COL5A2: variants seen among roughly 807,000 people sequenced by gnomAD.
COL5A2 encodes the protein collagen type V alpha 2 chain, also known as collagen alpha-2(V) chain.
A neutral mutation model predicts 208.2 loss-of-function variants in COL5A2; 23 were observed. The ratio of observed to expected loss-of-function variants is 0.11; its 90% CI spans 0.08 to 0.16. The LOEUF is 0.16. COL5A2 is among the 10% of genes least tolerant of loss of function. The probability of loss-of-function intolerance (pLI) is 1.00; values close to 1 mark genes in which losing one functional copy is unlikely to be tolerated. For missense variants in COL5A2, 1,590 were observed against 1,956.4 expected (o/e 0.81, Z 3.53); for synonymous variants, 625 against 628.5 (o/e 0.99, Z 0.08).
chr2:189,132,568 A>G (rs1396941434), intron 1 of COL5A2, among the ~76,000 whole-genome samples: 1 of 152,250 alleles, frequency 6.6e-6, no homozygotes, highest in Non-Finnish European at 1.5e-5. Context: ...ATCACAATGT[A>G]TAAGAAAAAA....
In COL5A2 at chr2:189,064,551, TC is replaced by T. The variant is rs1238933983; in HGVS notation, c.1716+5del. On this transcript the variant is annotated splice_donor_5th_base_variant and intron_variant, in intron 25 of 53. Transcript: ENST00000374866. ...TTGATGTAGCAAACACTTGCTATATTCTTACCCGAGCACCTGGAAGCCCAGG... is the reference window on the plus strand; with the variant it reads ...TTGATGTAGCAAACACTTGCTATATTTTACCCGAGCACCTGGAAGCCCAGG... The T allele has an allele frequency of 3.7e-6, 6 of 1,609,470 alleles. No individual in the cohort carries two copies. Among genetic ancestry groups the T allele is most frequent in the African/African-American group, 2.7e-5 (2 of 74,784 alleles).
intron 7 of COL5A2, among the ~76,000 whole-genome samples, chr2:189,090,687 C>T (rs143635940): frequency 2.0e-5 from 3 of 152,280 alleles, no homozygotes; most frequent in Non-Finnish European, 4.4e-5. Context: ...GAAATCCTAG[C>T]ATCCTTAGGA....
chr2:189,058,603 TTC>T lies in COL5A2; in HGVS notation c.2131-78_2131-77del, dbSNP rs1685952528. On this transcript the variant is annotated intron_variant, in intron 32 of 53. Transcript: ENST00000374866. ...GGTCAAAATGTTTCTGAGAAATGGC[TTC>T]TACTGCGGAAAAATTCAGAAATGAG... The T allele has an allele frequency of 2.3e-6, 3 of 1,319,496 alleles. No individual in the cohort carries two copies. The East Asian group carries it at 6.9e-5, about 30-fold the overall frequency. The allele number at this position is 1,319,496 out of a possible 1,614,324, so 81.7% of individuals were successfully genotyped here.
intron 1 of COL5A2, among the ~76,000 whole-genome samples, chr2:189,169,800 TC>T (rs1347058114): frequency 6.6e-6 from 1 of 152,212 alleles, no homozygotes; most frequent in Non-Finnish European, 1.5e-5. Context: ...CAACCTCGCC[TC>T]CCGGGTTCAA....
At chr2:189,288,756 A>G in the COL5A2 span, among the ~76,000 whole-genome samples, 6 of 152,190 alleles carry the variant, frequency 3.9e-5, no homozygotes, top group African/African-American at 1.2e-4. Flanking sequence ...CAAAGACACT[A>G]AAAGAAAAGA....
chr2:189,062,435 T>G (rs898238391), intron 29 of COL5A2, among the ~76,000 whole-genome samples: 1 of 152,056 alleles, frequency 6.6e-6, no homozygotes, highest in African/African-American at 2.4e-5. Flanking sequence ...CCACCTACCC[T>G]GGCCTCCCTA....
intron 14 of COL5A2, among the ~76,000 whole-genome samples, 177 bp from the exon 15 acceptor site, chr2:189,079,284 A>C (rs554441861): frequency 6.6e-6 from 1 of 152,318 alleles, no homozygotes; most frequent in African/African-American, 2.4e-5. Flanking sequence ...ATAGTAGTGT[A>C]GTTTTAAAGA....
At chr2:189,162,951 T>C (rs936091537) in intron 1 of COL5A2, among the ~76,000 whole-genome samples, 2 of 152,112 alleles carry the variant, frequency 1.3e-5, no homozygotes, top group Non-Finnish European at 2.9e-5. Flanking sequence ...GGAATATCAA[T>C]GGAATAAATC....
chr2:189,114,920 C>T (rs919995386), intron 1 of COL5A2, among the ~76,000 whole-genome samples: 42 of 151,764 alleles, frequency 2.8e-4, no homozygotes, highest in African/African-American at 9.9e-4. Context: ...TAAAAAAGAA[C>T]GCCAAAACTA....
chr2:189,098,307 G>A (rs1686963855), intron 5 of COL5A2, among the ~76,000 whole-genome samples: 1 of 152,114 alleles, frequency 6.6e-6, no homozygotes, highest in East Asian at 1.9e-4. Context: ...TTTATACTAA[G>A]CCATAAATAT....
At chr2:189,268,482 C>G in the COL5A2 span, among the ~76,000 whole-genome samples, 2 of 152,016 alleles carry the variant, frequency 1.3e-5, no homozygotes, top group African/African-American at 4.8e-5. Context: ...AGACAAACAC[C>G]CTACATCTGA....
At chr2:189,297,429 C>T in the COL5A2 span, among the ~76,000 whole-genome samples, 1 of 152,096 alleles carries the variant, frequency 6.6e-6, no homozygotes, top group Non-Finnish European at 1.5e-5. Context: ...TTATGCATGA[C>T]ATGCTAGTAC....
At chr2:189,265,029 A>T in the COL5A2 span, among the ~76,000 whole-genome samples, 2 of 152,302 alleles carry the variant, frequency 1.3e-5, no homozygotes, top group African/African-American at 2.4e-5. Context: ...GAGCCTCTTC[A>T]GAAAAGTTGG....
chr2:189,051,173 T>C (rs948164233), intron 42 of COL5A2, 147 bp downstream of exon 42: 4 of 916,324 alleles, frequency 4.4e-6, no homozygotes, highest in Non-Finnish European at 6.5e-6. Context: ...ACGTTTTTCC[T>C]AAAGCCTTAT....
At chr2:189,249,079 T>G in the COL5A2 span, among the ~76,000 whole-genome samples, 18 of 152,270 alleles carry the variant, frequency 1.2e-4, no homozygotes, top group East Asian at 3.5e-3. Flanking sequence ...CAAAAAAGAT[T>G]TTATTAAAAT....
chr2:189,068,048 A>G lies in COL5A2; in HGVS notation c.1368T>C (p.Gly456=). 6.2e-7 allele frequency: 1 copy of G among 1,614,038 alleles called. No homozygotes were observed. The highest frequency in any genetic ancestry group is 1.3e-5 in the African/African-American group (1 of 75,026). Residue 456 remains glycine (G), a synonymous_variant, in exon 21 of 54, where the codon GGT becomes GGC. Coordinates refer to ENST00000374866, the MANE Select transcript of COL5A2 (RefSeq NM_000393.5). ...CTCGAATTCCCTGAGGACCAGTGCT[A>G]CCCTGAGGTCCTGGAGATCCAGGAG... The part of the protein sequence containing the change: ...AGPPGSPGPQ[G]STGPQGIRGQ...
intron 7 of COL5A2, among the ~76,000 whole-genome samples, chr2:189,091,944 T>C (rs759415848): frequency 2.0e-5 from 3 of 152,210 alleles, no homozygotes; most frequent in Non-Finnish European, 2.9e-5. Flanking sequence ...TTGTGGAGGA[T>C]ACGGAGCAGA....
chr2:189,207,717 CA>C (rs1689158976), intron 1 of COL5A2, among the ~76,000 whole-genome samples: 1 of 152,174 alleles, frequency 6.6e-6, no homozygotes, highest in Non-Finnish European at 1.5e-5. Flanking sequence ...CTCCACTTAG[CA>C]GAGCAATCAC....
chr2:189,300,796 G>A, the COL5A2 span, among the ~76,000 whole-genome samples: 4 of 152,228 alleles, frequency 2.6e-5, no homozygotes, highest in African/African-American at 9.6e-5. Flanking sequence ...GAATAGAAAT[G>A]TGACTTTGTG....
Sources: gnomAD v4.1 joint callset for allele counts (sites outside exome capture counted in the v4.1 genomes callset) on GRCh38, gnomAD v4.1.1 for gene constraint, MANE v1.5 for transcripts, NCBI Gene and HGNC (gene_info 2026-07-23, HGNC 2026-07-21) for gene names.